The following HOXB3 variants were observed in gnomAD, a reference collection of about 807,000 sequenced individuals.
The protein encoded by HOXB3 is homeobox B3, also known as homeobox protein Hox-B3.
Under a neutral mutation model 29.2 loss-of-function variants are expected in HOXB3, and 17 were observed. The ratio of observed to expected loss-of-function variants is 0.58; its 90% confidence interval spans 0.40 to 0.87. HOXB3 has a LOEUF of 0.87. HOXB3 is among the 40% of genes least tolerant of loss of function. HOXB3 has a pLI of 0.00. For synonymous variants in HOXB3, 317 were observed against 285.9 expected (o/e 1.11, Z -1.10); for missense variants, 637 against 616.3 (o/e 1.03, Z -0.35).
intron 1 of HOXB3, chr17:48,581,375 A>C (rs977167703): frequency 2.6e-5 from 4 of 152,264 alleles, no homozygotes; most frequent in African/African-American, 9.6e-5. Context: ...GAGAGGGTCC[A>C]ATAGGTAATC....
Position 48,552,571 on chromosome 17 carries a change from ACCCCCCCCCCCCACCTCCCCTCTCTG to A in HOXB3, c.-123_-98del. Reference sequence around the variant, plus strand: ...CCCTGGGGGTCACGTGACACGCCGGACCCCCCCCCCCCACCTCCCCTCTCTGCCCCCCTCCTCCGGGGTCTGTTCCA... The same window carrying A: ...CCCTGGGGGTCACGTGACACGCCGGACCCCCCTCCTCCGGGGTCTGTTCCA... On this transcript the variant is annotated 5_prime_UTR_variant, in exon 4 of 5. It introduces an in-frame stop codon into an upstream open reading frame of the 5' UTR. Transcript: ENST00000498678. 1.9e-6 allele frequency: 1 copy of A among 529,440 alleles called. No homozygotes were observed. The highest frequency in any genetic ancestry group is 2.9e-6 in the Non-Finnish European group (1 of 348,182). The allele number at this position is 529,440 out of a possible 1,614,324, so 32.8% of individuals were successfully genotyped here. A position where few individuals can be genotyped will look rare whatever the true frequency, so the allele number is the denominator to read the frequency against.
intron 1 of HOXB3, among the ~76,000 whole-genome samples, chr17:48,587,386 C>T (rs2070067335): frequency 6.6e-6 from 1 of 152,172 alleles, no homozygotes. Context: ...GTATCCCCTC[C>T]CTTAAAAGAG....
At position 48,550,092 on chromosome 17, in the gene HOXB3, G is replaced by A; in HGVS notation, c.*242C>T. The A allele has an allele frequency of 3.9e-6, 2 of 517,442 alleles. No homozygotes were observed. Among genetic ancestry groups the A allele is most frequent in the Non-Finnish European group, 6.9e-6 (2 of 290,898 alleles). 32.1% of individuals were successfully genotyped at this position (517,442 alleles called of 1,614,324 possible). On this transcript the variant is annotated 3_prime_UTR_variant, in exon 5 of 5. Transcript: ENST00000498678. ...GTGCTGGAGCCCTGGGGTTGATGGG[G>A]TCATCTCCAATATGATGTGGATTCC...
In HOXB3 at chr17:48,550,250, C is replaced by G; in HGVS notation, c.*84G>C. ...CTGGGTACCACCTTCTCTGGCTCCTCTTTTCAGACCTCCAGGTTGCCCCCC... is the reference window on the plus strand; with the variant it reads ...CTGGGTACCACCTTCTCTGGCTCCTGTTTTCAGACCTCCAGGTTGCCCCCC... On this transcript the variant is annotated 3_prime_UTR_variant, in exon 5 of 5. Coordinates refer to ENST00000498678, the MANE Select transcript of HOXB3 (RefSeq NM_001384749.1). 1 of 1,574,256 alleles carries G rather than the reference C, an allele frequency of 6.4e-7. No homozygotes were observed. Among genetic ancestry groups the G allele is most frequent in the Non-Finnish European group, 8.6e-7 (1 of 1,159,698 alleles).
chr17:48,578,584 C>T (rs956250806), intron 1 of HOXB3: 9 of 396,864 alleles, frequency 2.3e-5, no homozygotes, highest in Non-Finnish European at 8.6e-6. Context: ...TTACATAGGG[C>T]TCCTGCGGGG....
intron 3 of HOXB3, chr17:48,555,307 A>G: frequency 1.8e-6 from 1 of 550,492 alleles, no homozygotes; most frequent in Non-Finnish European, 3.2e-6. Context: ...AGAGGAGAGA[A>G]GCAGGAAGAG....
rs1449944745 is a variant in HOXB3, at chr17:48,555,341, A to AGG, written c.-159+189_-159+190insCC. 8 of 438,176 alleles carry AGG rather than the reference A, an allele frequency of 1.8e-5. No homozygotes were observed. The African/African-American group carries it at 2.7e-4, about 15-fold the overall frequency. 27.1% of individuals were successfully genotyped at this position (438,176 alleles called of 1,614,324 possible). On this transcript the variant is annotated intron_variant, in intron 3 of 4. Coordinates refer to ENST00000498678, the MANE Select transcript of HOXB3 (RefSeq NM_001384749.1). ...AGAGAGGGGAGAGAGAGAGGGAGAG[A>AGG]GAGAGAGAGAGAGAGAGAGAGAGGG... is the stretch of plus-strand genomic sequence containing the variant.
chr17:48,555,357 AGAGAGAGG>A (rs1249725340), intron 3 of HOXB3, 166 bp downstream of exon 3: 103 of 439,714 alleles, frequency 2.3e-4, no homozygotes, highest in Non-Finnish European at 3.2e-4. Flanking sequence ...AGAGAGAGAG[AGAGAGAGG>A]GAGGGAGGGA....
rs574439147 is a variant in HOXB3, at chr17:48,551,073, G to A, written c.557C>T (p.Ala186Val). 8.7e-5 allele frequency: 134 copies of A among 1,535,192 alleles called. 2 individuals are homozygous for A. In the South Asian group the frequency reaches 1.6e-3, roughly 18 times the overall value. ...GGGDKSPPGS[A>V]ASKRARTAYT... ...CGCCGTCCGCGCCCGCTTGGACGCC[G>A]CCGACCCCGGGGGGCTCTTGTCCCC... is the stretch of plus-strand genomic sequence containing the variant. The change falls in exon 5 of 5, where the codon GCG (alanine) becomes GTG (valine). Residue 186 changes from alanine (A) to valine (V), a missense_variant. Ala to Val is a moderately conservative substitution (Grantham distance 64, BLOSUM62 0). Transcript: ENST00000498678.
rs748315432 is a variant in HOXB3 at position 48,551,156 on chromosome 17, A to ACCG, written c.471_473dup (p.Gly164dup). 2.4e-6 allele frequency: 3 copies of ACCG among 1,274,076 alleles called. No homozygotes were observed. Among genetic ancestry groups the ACCG allele is most frequent in the South Asian group, 2.7e-5 (1 of 37,340 alleles). The allele number at this position is 1,274,076 out of a possible 1,614,324, so 78.9% of individuals were successfully genotyped here. ...CACCACTGCCTCCGCCGCCGCCGCC[A>ACCG]CCGCCGCCGCCACCACAGCCCTCTG... On this transcript the variant is annotated inframe_insertion, in exon 5 of 5. Coordinates refer to ENST00000498678, the MANE Select transcript of HOXB3 (RefSeq NM_001384749.1).
At chr17:48,578,529 C>T (rs2069845910) in intron 1 of HOXB3, 1 of 558,324 alleles carries the variant, frequency 1.8e-6, no homozygotes, top group Non-Finnish European at 3.0e-6. Flanking sequence ...GTTTATTTCC[C>T]CTTCTTCCCT....
In HOXB3 at chr17:48,552,475, C is replaced by T. The variant is rs773856374; in HGVS notation, c.-1G>A. 3.8e-6 allele frequency: 6 copies of T among 1,562,080 alleles called. No individual in the cohort carries two copies. The highest frequency in any genetic ancestry group is 5.2e-6 in the Non-Finnish European group (6 of 1,150,574). On this transcript the variant is annotated 5_prime_UTR_variant, in exon 4 of 5. Transcript: ENST00000498678. ...TGTCGTAGTAGGTGGCTTTCTGCAT[C>T]GCTGGGTGAGGCCTGGGCAGTGGGT...
chr17:48,569,621 T>C (rs1459548875), intron 2 of HOXB3, among the ~76,000 whole-genome samples: 1 of 152,128 alleles, frequency 6.6e-6, no homozygotes, highest in Admixed American at 6.5e-5. Flanking sequence ...TTTCCCCAAC[T>C]CCTGGGGATA....
intron 2 of HOXB3, among the ~76,000 whole-genome samples, chr17:48,556,118 A>G (rs1215838471): frequency 6.6e-6 from 1 of 150,852 alleles, no homozygotes; most frequent in Non-Finnish European, 1.5e-5. Context: ...CTCCCCAAAA[A>G]AAGAGTAAGA....
chr17:48,565,341 T>A (rs2069356306), intron 2 of HOXB3, among the ~76,000 whole-genome samples: 1 of 152,190 alleles, frequency 6.6e-6, no homozygotes, highest in Admixed American at 6.5e-5. Context: ...CCCAAGGGCC[T>A]ACTCTAGAGG....
chr17:48,576,655 C>T, intron 1 of HOXB3: 1 of 662,298 alleles, frequency 1.5e-6, no homozygotes, highest in South Asian at 2.6e-5. Flanking sequence ...TCCTGTCCCC[C>T]CACCCCATCC....
chr17:48,567,439 G>A (rs1018805588), intron 2 of HOXB3, among the ~76,000 whole-genome samples: 2 of 152,198 alleles, frequency 1.3e-5, no homozygotes, highest in African/African-American at 4.8e-5. Context: ...CCAACAGCTG[G>A]GACTGGAGTT....
At chr17:48,551,301 C>T in intron 4 of HOXB3, 120 bp from the exon 5 acceptor site, 1 of 1,181,716 alleles carries the variant, frequency 8.5e-7, no homozygotes, top group Non-Finnish European at 1.1e-6. Context: ...GAGCCCCCGC[C>T]GCCCTCCCCT....
In HOXB3 at chr17:48,555,624, A is replaced by G; in HGVS notation, c.-246-6T>C. ...CAGGCGACAAATCTCCCCTCCTTGA[A>G]GGCAAAGGAAAAAAAGACCACTGTT... On this transcript the variant is annotated splice_polypyrimidine_tract_variant and splice_region_variant and intron_variant, in intron 2 of 4. Transcript: ENST00000498678. 1.4e-6 allele frequency: 1 copy of G among 702,672 alleles called. No homozygotes were observed. The highest frequency in any genetic ancestry group is 2.6e-6 in the Non-Finnish European group (1 of 384,780). The allele number at this position is 702,672 out of a possible 1,614,324, so 43.5% of individuals were successfully genotyped here. A position where few individuals can be genotyped will look rare whatever the true frequency, so the allele number is the denominator to read the frequency against.
Sources: gnomAD v4.1 joint callset for allele counts (sites outside exome capture counted in the v4.1 genomes callset) on GRCh38, gnomAD v4.1.1 for gene constraint, MANE v1.5 for transcripts, NCBI Gene and HGNC (gene_info 2026-07-23, HGNC 2026-07-21) for gene names.